The following GARRE1 variants were observed in gnomAD, a reference collection of about 807,000 sequenced individuals.
GARRE1 encodes the protein granule associated Rac and RHOG effector 1, also known as granule associated Rac and RHOG effector protein 1.
Under a neutral mutation model 103.2 loss-of-function variants are expected in GARRE1, and 49 were observed. That is an observed-to-expected ratio of 0.47 (90% CI 0.38 to 0.60). The LOEUF (loss-of-function observed/expected upper bound fraction) is 0.60. GARRE1 is among the 20% of genes least tolerant of loss of function. GARRE1 has a pLI of 0.00. For missense variants in GARRE1, 1,199 were observed against 1,370.5 expected (o/e 0.87, Z 1.98); for synonymous variants, 505 against 532.8 (o/e 0.95, Z 0.72).
At chr19:34,317,254 G>A (rs977173331) in intron 2 of GARRE1, among the ~76,000 whole-genome samples, 1 of 152,236 alleles carries the variant, frequency 6.6e-6, no homozygotes, top group Non-Finnish European at 1.5e-5. Flanking sequence ...TCGCCCTGGC[G>A]AGAGCAGGGA....
At chr19:34,278,899 C>A (rs2073834355) in intron 1 of GARRE1, among the ~76,000 whole-genome samples, 1 of 152,008 alleles carries the variant, frequency 6.6e-6, no homozygotes, top group Admixed American at 6.6e-5. Context: ...CTCAAACTGG[C>A]CTCAAGCGAT....
rs183221646 is a variant in GARRE1, at chr19:34,311,977, T to C, written c.496-7930T>C. ...ATTTTTTTTTAATTAAAAATTATTA[T>C]TATTATTTTTATTTTTACTGTAGAG... On this transcript the variant is annotated intron_variant, in intron 2 of 13. Coordinates refer to ENST00000299505, the MANE Select transcript of GARRE1 (RefSeq NM_014686.5). 4.1e-3 allele frequency among the ~76,000 whole-genome samples: 630 copies of C among 151,956 alleles called. 22 individuals carry two copies. The highest frequency in any genetic ancestry group is 0.037 in the Admixed American group (566 of 15,264).
intron 2 of GARRE1, among the ~76,000 whole-genome samples, chr19:34,307,538 A>G (rs1303826051): frequency 6.7e-6 from 1 of 149,268 alleles, no homozygotes; most frequent in Non-Finnish European, 1.5e-5. Flanking sequence ...ATATATATAT[A>G]TGCCAGACAT....
rs1189136258 is a variant in GARRE1, at chr19:34,342,071, C to T, written c.2137C>T (p.Pro713Ser). The change falls in exon 10 of 14, where the codon CCC becomes TCC. Residue 713 changes from proline (P) to serine (S), a missense_variant. Pro to Ser is a moderately conservative substitution (Grantham distance 74, BLOSUM62 -1). Transcript: ENST00000299505. ...GGCTGGGGCACACACACCTCTGACACCCCAGCCGGGACTGGCACCTCAGCA... is the reference window on the plus strand; with the variant it reads ...GGCTGGGGCACACACACCTCTGACATCCCAGCCGGGACTGGCACCTCAGCA... ...PQAGAHTPLT[P>S]QPGLAPQQQS... 2 of 1,614,026 alleles carry T rather than the reference C, an allele frequency of 1.2e-6. No individual in the cohort carries two copies. Among genetic ancestry groups the T allele is most frequent in the East Asian group, 2.2e-5 (1 of 44,890 alleles).
intron 1 of GARRE1, among the ~76,000 whole-genome samples, chr19:34,294,100 A>G (rs2073933802): frequency 6.6e-6 from 1 of 151,970 alleles, no homozygotes; most frequent in Non-Finnish European, 1.5e-5. Flanking sequence ...CTTCTAAATT[A>G]TCAGGTGGAC....
At chr19:34,350,355 C>T (rs1031351790) in intron 12 of GARRE1, among the ~76,000 whole-genome samples, 4 of 152,084 alleles carry the variant, frequency 2.6e-5, no homozygotes, top group Non-Finnish European at 4.4e-5. Context: ...AAGTTTGAAC[C>T]GGGGGTGGAG....
At chr19:34,305,627 T>C (rs760673516) in intron 2 of GARRE1, among the ~76,000 whole-genome samples, 2 of 152,214 alleles carry the variant, frequency 1.3e-5, no homozygotes, top group Non-Finnish European at 2.9e-5. Context: ...CAAGTGCGCC[T>C]GTTGCCCAGG....
chr19:34,348,040 A>G lies in GARRE1; in HGVS notation c.2685A>G (p.Glu895=). The G allele has an allele frequency of 6.8e-7, 1 of 1,481,046 alleles. No individual in the cohort carries two copies. 91.7% of individuals were successfully genotyped at this position (1,481,046 alleles called of 1,614,324 possible). A position where few individuals can be genotyped will look rare whatever the true frequency, so the allele number is the denominator to read the frequency against. ...GGCCCTTCCCCGAGTTCTTCACAGAAGGGTGAGTGCTGGGTACTTCAGGGA... is the reference window on the plus strand; with the variant it reads ...GGCCCTTCCCCGAGTTCTTCACAGAGGGGTGAGTGCTGGGTACTTCAGGGA... ...RTWPFPEFFT[E]GDGLHGGWSG... The change falls in exon 11 of 14, where the codon GAA becomes GAG. Residue 895 remains glutamate, a splice_region_variant and synonymous_variant. Transcript: ENST00000299505.
chr19:34,339,263 A>C (rs1383367887), intron 8 of GARRE1, among the ~76,000 whole-genome samples: 1 of 152,210 alleles, frequency 6.6e-6, no homozygotes, highest in African/African-American at 2.4e-5. Context: ...ATCGGCTATA[A>C]GTTGGGGGTT....
At chr19:34,283,822 C>A (rs1345820722) in intron 1 of GARRE1, among the ~76,000 whole-genome samples, 1 of 144,904 alleles carries the variant, frequency 6.9e-6, no homozygotes, top group Non-Finnish European at 1.5e-5. Context: ...TAGTTTCTTT[C>A]TTTCTTTCTT....
chr19:34,267,939 A>C (rs1381076651), intron 1 of GARRE1, among the ~76,000 whole-genome samples: 1 of 151,656 alleles, frequency 6.6e-6, no homozygotes, highest in African/African-American at 2.4e-5. Context: ...ATACCTGGCT[A>C]ATTTTTGTAT....
In GARRE1 at chr19:34,353,221, C is replaced by G. The variant is rs2074250279; in HGVS notation, c.*266C>G. On this transcript the variant is annotated 3_prime_UTR_variant, in exon 14 of 14. Coordinates refer to ENST00000299505, the MANE Select transcript of GARRE1 (RefSeq NM_014686.5). ...GGGGCTTGCTAGGGAACCTGCATGCCTAGTAAGCGCCACAGGTGACTCTGA... is the reference window on the plus strand; with the variant it reads ...GGGGCTTGCTAGGGAACCTGCATGCGTAGTAAGCGCCACAGGTGACTCTGA... 2.1e-6 allele frequency: 1 copy of G among 476,004 alleles called. No individual in the cohort carries two copies. The highest frequency in any genetic ancestry group is 1.9e-5 in the African/African-American group (1 of 51,820). 29.5% of individuals were successfully genotyped at this position (476,004 alleles called of 1,614,324 possible). A position where few individuals can be genotyped will look rare whatever the true frequency, so the allele number is the denominator to read the frequency against.
chr19:34,323,023 C>CTTTTTTTTTTTTTTTTTTTTTTTTTTTTT (rs71165649), intron 3 of GARRE1, among the ~76,000 whole-genome samples: 1 of 66,666 alleles, frequency 1.5e-5, no homozygotes, highest in African/African-American at 5.7e-5. Flanking sequence ...TATTTCTTTT[C>CTTTTTTTTTTTTTTTTTTTTTTTTTTTTT]TTTTTTTTTT....
At chr19:34,337,050 GTT>G (rs113410326) in intron 8 of GARRE1, among the ~76,000 whole-genome samples, 17 of 115,950 alleles carry the variant, frequency 1.5e-4, no homozygotes, top group East Asian at 5.5e-4. Context: ...TTTTAGTTCT[GTT>G]TTTTTTTTTT....
intron 10 of GARRE1, among the ~76,000 whole-genome samples, chr19:34,345,963 A>C (rs559721587): frequency 1.3e-5 from 2 of 152,280 alleles, no homozygotes; most frequent in African/African-American, 4.8e-5. Flanking sequence ...TCCATGGTGT[A>C]GTTTTCTACA....
intron 3 of GARRE1, among the ~76,000 whole-genome samples, chr19:34,321,250 G>A (rs56276576): frequency 2.0e-5 from 1 of 49,084 alleles, no homozygotes; most frequent in African/African-American, 7.5e-5. Flanking sequence ...TTTTTTTTTT[G>A]TATTTTTAGT....
intron 10 of GARRE1, among the ~76,000 whole-genome samples, chr19:34,343,244 A>G (rs551442066): frequency 5.3e-5 from 8 of 152,272 alleles, no homozygotes; most frequent in Non-Finnish European, 1.0e-4. Context: ...ACTTGAGGCC[A>G]GGAGTTCGAG....
intron 1 of GARRE1, among the ~76,000 whole-genome samples, chr19:34,291,453 C>A (rs10422415): frequency 0.096 from 14,575 of 152,146 alleles, 1,093 homozygotes; most frequent in African/African-American, 0.2. Flanking sequence ...AGATATAATT[C>A]ACATAATTAG....
intron 1 of GARRE1, 25 bp downstream of exon 1, chr19:34,254,639 A>AGGCGGGGGCTGGCG (rs1171947136): frequency 5.9e-4 from 39 of 66,466 alleles, no homozygotes; most frequent in African/African-American, 2.0e-3. Flanking sequence ...CGGCGGGCGC[A>AGGCGGGGGCTGGCG]GGCGGGGGCT....
Sources: allele counts gnomAD v4.1 joint callset (sites outside exome capture counted in the v4.1 genomes callset), GRCh38; gene constraint gnomAD v4.1.1; transcripts MANE v1.5; gene names NCBI Gene and HGNC (gene_info 2026-07-23, HGNC 2026-07-21).